Variants in PLD5 observed in about 807,000 individuals in gnomAD.
The protein encoded by PLD5 is inactive phospholipase D5.
Under a neutral mutation model 61.1 loss-of-function variants are expected in PLD5, and 36 were observed. The observed-to-expected ratio is 0.59, with a 90% CI of 0.45 to 0.78. The LOEUF (loss-of-function observed/expected upper bound fraction) is 0.78, where lower values mean the gene tolerates loss of function less well. Among genes scored for constraint, PLD5 ranks in the 30% least tolerant of loss-of-function variants. The probability of loss-of-function intolerance (pLI) is 0.00; values close to 1 mark genes in which losing one functional copy is unlikely to be tolerated. For synonymous variants in PLD5, 243 were observed against 242.8 expected, an observed-to-expected ratio of 1.00 and a Z score of -0.01; for missense variants, 515 against 644.4, an observed-to-expected ratio of 0.80 and a Z score of 2.17.
At chr1:242,449,184 G>A (rs961551245) in intron 1 of PLD5, among the ~76,000 whole-genome samples, 1 of 152,182 alleles carries the variant, frequency 6.6e-6, no homozygotes, top group African/African-American at 2.4e-5. Context: ...CAAAAAATCA[G>A]TGCTCTGGTG....
intron 1 of PLD5, among the ~76,000 whole-genome samples, chr1:242,475,196 C>T (rs1396679505): frequency 1.3e-5 from 2 of 152,142 alleles, no homozygotes; most frequent in East Asian, 3.9e-4. Context: ...CACGTGCGCA[C>T]GCACACACAC....
intron 5 of PLD5, among the ~76,000 whole-genome samples, chr1:242,132,045 G>T (rs1362716260): frequency 1.3e-5 from 2 of 151,602 alleles, no homozygotes; most frequent in Admixed American, 6.6e-5. Context: ...TGGCCAGGAT[G>T]GTCTTGAACT....
intron 1 of PLD5, among the ~76,000 whole-genome samples, chr1:242,369,837 C>CGGGTGG (rs571094018): frequency 5.3e-5 from 8 of 152,128 alleles, no homozygotes; most frequent in Non-Finnish European, 1.0e-4. Flanking sequence ...ACCACCACCC[C>CGGGTGG]GGGTGGTCTG....
intron 9 of PLD5, among the ~76,000 whole-genome samples, chr1:242,097,384 T>C (rs1660330315): frequency 6.6e-6 from 1 of 152,194 alleles, no homozygotes; most frequent in Non-Finnish European, 1.5e-5. Flanking sequence ...AAAGTGTTCC[T>C]ATTTCTCCAC....
chr1:242,306,103 G>A (rs1409906865), intron 2 of PLD5, among the ~76,000 whole-genome samples: 1 of 151,778 alleles, frequency 6.6e-6, no homozygotes, highest in African/African-American at 2.4e-5. Flanking sequence ...AAACTGAAGG[G>A]ACATGAGGCT....
At chr1:242,156,552 G>C (rs1229804629) in intron 5 of PLD5, among the ~76,000 whole-genome samples, 1 of 152,136 alleles carries the variant, frequency 6.6e-6, no homozygotes, top group Non-Finnish European at 1.5e-5. Flanking sequence ...GCCTGGTGGT[G>C]ATAAAATCTC....
intron 1 of PLD5, among the ~76,000 whole-genome samples, chr1:242,512,199 C>T (rs542544178): frequency 1.3e-5 from 2 of 150,282 alleles, no homozygotes; most frequent in Non-Finnish European, 3.0e-5. Context: ...ATCACGAGGT[C>T]AGGAGATCGA....
At chr1:242,253,671 T>C (rs1384168691) in intron 4 of PLD5, among the ~76,000 whole-genome samples, 2 of 152,058 alleles carry the variant, frequency 1.3e-5, no homozygotes, top group East Asian at 3.9e-4. Context: ...TAGAAATACA[T>C]AAAGCCACAA....
At chr1:242,253,919 A>G (rs1672862983) in intron 4 of PLD5, among the ~76,000 whole-genome samples, 1 of 152,230 alleles carries the variant, frequency 6.6e-6, no homozygotes, top group South Asian at 2.1e-4. Context: ...TGAATTGCAG[A>G]CTTAACTTGG....
chr1:242,357,898 A>G (rs578222935), intron 1 of PLD5, among the ~76,000 whole-genome samples: 163 of 152,280 alleles, frequency 1.1e-3, no homozygotes, highest in African/African-American at 3.9e-3. Context: ...GTGGTGTCCC[A>G]TAATTCCCAC....
intron 2 of PLD5, among the ~76,000 whole-genome samples, chr1:242,340,090 G>C (rs188104353): frequency 5.9e-5 from 9 of 152,220 alleles, no homozygotes; most frequent in African/African-American, 2.2e-4. Flanking sequence ...GCTCAAATGG[G>C]GAAACTAGGA....
intron 5 of PLD5, among the ~76,000 whole-genome samples, chr1:242,179,295 G>T (rs879767186): frequency 5.9e-5 from 9 of 152,136 alleles, no homozygotes; most frequent in Non-Finnish European, 1.3e-4. Context: ...GGGAGCAGAC[G>T]GAGCATTCTG....
intron 5 of PLD5, among the ~76,000 whole-genome samples, chr1:242,154,256 G>A (rs1665167258): frequency 1.3e-5 from 2 of 152,150 alleles, no homozygotes; most frequent in Non-Finnish European, 2.9e-5. Flanking sequence ...TGAGAAGATG[G>A]GGTTTTCCAA....
intron 4 of PLD5, among the ~76,000 whole-genome samples, chr1:242,225,223 T>C (rs1335002564): frequency 6.6e-6 from 1 of 151,826 alleles, no homozygotes; most frequent in African/African-American, 2.4e-5. Context: ...ATTCATGCTA[T>C]TGTGTAGAAC....
intron 1 of PLD5, among the ~76,000 whole-genome samples, chr1:242,362,063 T>C (rs1040879230): frequency 6.6e-6 from 1 of 151,610 alleles, no homozygotes; most frequent in African/African-American, 2.4e-5. Context: ...AAAAGATAAA[T>C]GTACAAAAAT....
chr1:242,200,793 G>A (rs898431360), intron 5 of PLD5, among the ~76,000 whole-genome samples: 1 of 152,098 alleles, frequency 6.6e-6, no homozygotes. Context: ...TCTCACGCAG[G>A]GGTGCAAGTG....
At chr1:242,479,490 A>C (rs1667701498) in intron 1 of PLD5, among the ~76,000 whole-genome samples, 1 of 152,186 alleles carries the variant, frequency 6.6e-6, no homozygotes, top group Non-Finnish European at 1.5e-5. Context: ...ATAAACTGAA[A>C]AACCACTGCT....
At chr1:242,495,654 A>G (rs146859721) in intron 1 of PLD5, among the ~76,000 whole-genome samples, 1 of 152,302 alleles carries the variant, frequency 6.6e-6, no homozygotes, top group Non-Finnish European at 1.5e-5. Context: ...AAAAAAATAG[A>G]ATGTTAACAA....
chr1:242,512,291 G>A (rs931893765), intron 1 of PLD5, among the ~76,000 whole-genome samples: 1 of 151,736 alleles, frequency 6.6e-6, no homozygotes, highest in Non-Finnish European at 1.5e-5. Context: ...ATGGTGGCGG[G>A]TGCCTCTAGT....
Sources: allele counts gnomAD v4.1 joint callset (sites outside exome capture counted in the v4.1 genomes callset), GRCh38; gene constraint gnomAD v4.1.1; transcripts MANE v1.5; gene names NCBI Gene and HGNC (gene_info 2026-07-23, HGNC 2026-07-21).